EPS15L1: variants seen among roughly 807,000 people sequenced by gnomAD.
The protein encoded by EPS15L1 is epidermal growth factor receptor pathway substrate 15 like 1.
Under a neutral mutation model 117.1 loss-of-function variants are expected in EPS15L1, and 43 were observed. That is an observed-to-expected ratio of 0.37 (90% CI 0.29 to 0.47). The LOEUF is 0.47. Ranked by LOEUF, EPS15L1 falls within the 20% of genes least tolerant of loss-of-function variation. The pLI is 0.99. For missense variants in EPS15L1, 981 were observed against 1,164.0 expected (o/e 0.84, Z 2.29); for synonymous variants, 459 against 470.5 (o/e 0.98, Z 0.32).
At position 16,404,655 on chromosome 19, in the gene EPS15L1, T is replaced by G; in HGVS notation, c.1361A>C (p.Gln454Pro). ...CATGTCTCGGAGCTTGGCCTTCTGCTGGTCCATCTCGTCCAGGCGGTCTTG... is the reference window on the plus strand; with the variant it reads ...CATGTCTCGGAGCTTGGCCTTCTGCGGGTCCATCTCGTCCAGGCGGTCTTG... ...DAQDRLDEMD[Q>P]QKAKLRDMLS... Residue 454 changes from glutamine to proline, a missense_variant, in exon 14 of 24, where the codon CAG becomes CCG. Coordinates refer to ENST00000455140, the MANE Select transcript of EPS15L1 (RefSeq NM_001258374.3). This position sits in a 1 kb window ranked among gnomAD's most constrained non-coding sequence, Gnocchi z 4.2. The G allele has an allele frequency of 1.2e-6, 2 of 1,614,226 alleles. No homozygotes were observed. Among genetic ancestry groups the G allele is most frequent in the Non-Finnish European group, 1.7e-6 (2 of 1,180,036 alleles).
At chr19:16,366,728 C>T (rs796363490) in intron 22 of EPS15L1, among the ~76,000 whole-genome samples, 6 of 152,254 alleles carry the variant, frequency 3.9e-5, no homozygotes, top group African/African-American at 1.4e-4. Flanking sequence ...TGAGGTCAGC[C>T]GAGTGCCCGG....
At chr19:16,461,360 C>T (rs2093249637) in intron 1 of EPS15L1, among the ~76,000 whole-genome samples, 1 of 149,446 alleles carries the variant, frequency 6.7e-6, no homozygotes, top group African/African-American at 2.5e-5. Context: ...GTGGCTGACA[C>T]ATGCAATCCC....
At chr19:16,439,630 G>A (rs1234665386) in intron 4 of EPS15L1, among the ~76,000 whole-genome samples, 1 of 152,156 alleles carries the variant, frequency 6.6e-6, no homozygotes, top group Non-Finnish European at 1.5e-5. Context: ...GATCGAGGCT[G>A]CAGTAAGCAG....
chr19:16,373,936 C>T (rs1425026858), intron 22 of EPS15L1, among the ~76,000 whole-genome samples: 1 of 152,220 alleles, frequency 6.6e-6, no homozygotes, highest in Admixed American at 6.5e-5. Flanking sequence ...GAGTACAATG[C>T]AGAATTTTTC....
chr19:16,402,168 G>A, intron 16 of EPS15L1, 153 bp downstream of exon 16: 2 of 1,432,090 alleles, frequency 1.4e-6, no homozygotes, highest in East Asian at 2.6e-5. Flanking sequence ...AAGGCCTGGT[G>A]TGAACGCGCA....
chr19:16,387,570 G>A (rs531488514), intron 19 of EPS15L1, among the ~76,000 whole-genome samples: 1 of 152,200 alleles, frequency 6.6e-6, no homozygotes, highest in South Asian at 2.1e-4. Flanking sequence ...TTATGCCATT[G>A]CACTGCAGCC....
chr19:16,461,724 T>C (rs2093254162), intron 1 of EPS15L1, among the ~76,000 whole-genome samples: 2 of 152,184 alleles, frequency 1.3e-5, no homozygotes, highest in African/African-American at 4.8e-5. Flanking sequence ...GAAAGCCCTT[T>C]CCTCACCCTC....
intron 1 of EPS15L1, among the ~76,000 whole-genome samples, chr19:16,466,953 G>C (rs1235736268): frequency 1.3e-5 from 2 of 151,634 alleles, no homozygotes; most frequent in Admixed American, 6.6e-5. Context: ...TCACACGGCA[G>C]GGTCCTGACA....
intron 13 of EPS15L1, among the ~76,000 whole-genome samples, chr19:16,408,855 T>C (rs2092681476): frequency 6.6e-6 from 1 of 152,050 alleles, no homozygotes; most frequent in Admixed American, 6.6e-5. Flanking sequence ...CAAAAATAAA[T>C]GCACAGCTAT....
intron 15 of EPS15L1, among the ~76,000 whole-genome samples, chr19:16,403,359 C>T (rs1035939783): frequency 6.6e-6 from 1 of 152,222 alleles, no homozygotes; most frequent in Non-Finnish European, 1.5e-5. Flanking sequence ...GACGTCTGTT[C>T]TCTTGCCCAA....
chr19:16,407,810 A>T (rs2092670630), intron 13 of EPS15L1, among the ~76,000 whole-genome samples: 1 of 152,062 alleles, frequency 6.6e-6, no homozygotes, highest in South Asian at 2.1e-4. Context: ...GAAAAATGTC[A>T]TTGCTCCGTC....
At chr19:16,390,685 T>TATA (rs2092466177) in intron 19 of EPS15L1, among the ~76,000 whole-genome samples, 1 of 152,134 alleles carries the variant, frequency 6.6e-6, no homozygotes, top group Non-Finnish European at 1.5e-5. Flanking sequence ...ATAATAGTAT[T>TATA]ATAATATACC....
chr19:16,454,149 C>T (rs1286353493), intron 1 of EPS15L1, among the ~76,000 whole-genome samples: 1 of 152,206 alleles, frequency 6.6e-6, no homozygotes, highest in Admixed American at 6.5e-5. Context: ...CTTGAGGGCA[C>T]AGATGCAGAC....
intron 1 of EPS15L1, among the ~76,000 whole-genome samples, chr19:16,458,326 T>C (rs759549161): frequency 2.0e-5 from 3 of 152,274 alleles, no homozygotes; most frequent in South Asian, 2.1e-4. Context: ...GCTGCCACCA[T>C]GGAGCATCAT....
intron 1 of EPS15L1, among the ~76,000 whole-genome samples, chr19:16,462,448 GC>G (rs1410142635): frequency 6.6e-6 from 1 of 152,132 alleles, no homozygotes; most frequent in African/African-American, 2.4e-5. Context: ...ATCACTAGAG[GC>G]CAGGAGTTCG....
chr19:16,401,293 T>G, intron 16 of EPS15L1: 1 of 985,374 alleles, frequency 1.0e-6, no homozygotes, highest in Non-Finnish European at 1.2e-6. Flanking sequence ...CATAAATCCT[T>G]GGGACTGAGG....
chr19:16,428,686 A>G lies in EPS15L1; in HGVS notation c.558+16T>C. ...TTCCTTCCTGGGCTGGGTGGGGAGG[A>G]AACAGCAGGACTTACCACAGCGAAC... is the stretch of plus-strand genomic sequence containing the variant. On this transcript the variant is annotated intron_variant, in intron 8 of 23. Coordinates refer to ENST00000455140, the MANE Select transcript of EPS15L1 (RefSeq NM_001258374.3). The G allele has an allele frequency of 6.2e-7, 1 of 1,609,146 alleles. No individual in the cohort carries two copies. Among genetic ancestry groups the G allele is most frequent in the Non-Finnish European group, 8.5e-7 (1 of 1,177,594 alleles).
Position 16,428,728 on chromosome 19 carries a change from G to A in EPS15L1, c.532C>T (p.His178Tyr). ...WDLSDIDKDGHLDRDEFAVAM... is the reference protein window; with the variant it reads ...WDLSDIDKDGYLDRDEFAVAM... ...ACAGCGAACTCATCTCGATCCAAGT[G>A]CCCATCCTTGTCAATGTCACTGAGG... Residue 178 changes from histidine to tyrosine, a missense_variant, in exon 8 of 24, where the codon CAC (histidine) becomes TAC (tyrosine). His to Tyr is a moderately conservative substitution (Grantham distance 83, BLOSUM62 2). Around this residue, in one of 5 missense-constraint regions of EPS15L1, gnomAD observed 819 missense variants for 949.0 expected, o/e 0.86. Transcript: ENST00000455140. 6.2e-7 allele frequency: 1 copy of A among 1,611,596 alleles called. No individual in the cohort carries two copies.
intron 1 of EPS15L1, among the ~76,000 whole-genome samples, chr19:16,464,810 A>T (rs186856037): frequency 6.6e-6 from 1 of 152,114 alleles, no homozygotes; most frequent in Non-Finnish European, 1.5e-5. Context: ...ACGGGTGGGC[A>T]TGGTGGCTCA....
Sources: allele counts gnomAD v4.1 joint callset (sites outside exome capture counted in the v4.1 genomes callset), GRCh38; gene constraint gnomAD v4.1.1; regional missense constraint gnomAD v4.1.1; non-coding constraint Gnocchi (gnomAD v3.1); transcripts MANE v1.5; gene names NCBI Gene and HGNC (gene_info 2026-07-23, HGNC 2026-07-21).